Variants in MGAT4A observed in about 807,000 individuals in gnomAD.
The protein encoded by MGAT4A is alpha-1,3-mannosyl-glycoprotein 4-beta-N-acetylglucosaminyltransferase A.
MGAT4A carries 33 observed loss-of-function variants against 74.1 expected under a neutral mutation model. The ratio of observed to expected loss-of-function variants is 0.45; its 90% CI spans 0.34 to 0.60. The LOEUF is 0.60. Among genes scored for constraint, MGAT4A ranks in the 20% least tolerant of loss-of-function variants. The pLI, the probability that MGAT4A is intolerant of heterozygous loss-of-function variation, is 0.02. For synonymous variants in MGAT4A, 198 were observed against 210.4 expected (o/e 0.94, Z 0.51); for missense variants, 479 against 628.3 (o/e 0.76, Z 2.54).
At chr2:98,684,650 C>T (rs1702104609) in intron 2 of MGAT4A, among the ~76,000 whole-genome samples, 1 of 152,092 alleles carries the variant, frequency 6.6e-6, no homozygotes, top group African/African-American at 2.4e-5. Context: ...ATGGTAATTT[C>T]ATATGAAATT....
intron 6 of MGAT4A, among the ~76,000 whole-genome samples, chr2:98,657,770 T>C (rs1007910765): frequency 2.0e-5 from 3 of 152,188 alleles, no homozygotes; most frequent in African/African-American, 4.8e-5. Flanking sequence ...ACCTACCATG[T>C]GCCTCGCTCA....
chr2:98,704,913 G>A (rs1702401184), intron 2 of MGAT4A, among the ~76,000 whole-genome samples: 1 of 152,154 alleles, frequency 6.6e-6, no homozygotes, highest in Non-Finnish European at 1.5e-5. Context: ...CTCCTCCACA[G>A]CTGAGCAAAC....
intron 2 of MGAT4A, 165 bp downstream of exon 2, chr2:98,726,074 T>C (rs1473267068): frequency 4.1e-6 from 2 of 493,794 alleles, no homozygotes; most frequent in African/African-American, 3.8e-5. Context: ...AAATTCTGTG[T>C]CCTCTGTCCA....
chr2:98,729,050 T>G (rs1010358270), intron 1 of MGAT4A, among the ~76,000 whole-genome samples: 1 of 152,134 alleles, frequency 6.6e-6, no homozygotes, highest in Admixed American at 6.5e-5. Flanking sequence ...TAAGGATATT[T>G]TAAAAGTTTT....
At chr2:98,663,873 C>T (rs375865629) in intron 4 of MGAT4A, among the ~76,000 whole-genome samples, 4 of 152,060 alleles carry the variant, frequency 2.6e-5, no homozygotes, top group East Asian at 1.9e-4. Context: ...GGTTTTTGAT[C>T]GCTATACTAT....
Position 98,623,906 on chromosome 2 carries a change from C to CT in MGAT4A, c.*1659dup. The CT allele has an allele frequency of 1.0e-6, 1 of 985,502 alleles. No homozygotes were observed. The highest frequency in any genetic ancestry group is 1.2e-6 in the Non-Finnish European group (1 of 829,980). 61.0% of individuals were successfully genotyped at this position (985,502 alleles called of 1,614,324 possible). ...CGCTAGGCCCCAGCCAGTGGTCACT[C>CT]TGAAAGCTCAGCAGAATCCATCTCT... On this transcript the variant is annotated 3_prime_UTR_variant, in exon 16 of 16. Transcript: ENST00000393487.
rs1206503182 is a variant in MGAT4A at position 98,619,773 on chromosome 2, GCTAATTA to G, written c.*5786_*5792del. The G allele has an allele frequency of 6.6e-6, 1 of 152,196 alleles. No homozygotes were observed. Among genetic ancestry groups the G allele is most frequent in the African/African-American group, 2.4e-5 (1 of 41,448 alleles). 9.4% of individuals were successfully genotyped at this position (152,196 alleles called of 1,614,324 possible). A position where few individuals can be genotyped will look rare whatever the true frequency, so the allele number is the denominator to read the frequency against. On this transcript the variant is annotated 3_prime_UTR_variant, in exon 16 of 16. Coordinates refer to ENST00000393487, the MANE Select transcript of MGAT4A (RefSeq NM_012214.3). Reference sequence around the variant, plus strand: ...CAAACCCTTGGTTCCAGGACAGTTTGCTAATTACTAATACAATGAAACAACTAGGAGC... The same window carrying G: ...CAAACCCTTGGTTCCAGGACAGTTTGCTAATACAATGAAACAACTAGGAGC...
intron 5 of MGAT4A, among the ~76,000 whole-genome samples, chr2:98,662,590 G>T (rs1255912412): frequency 6.6e-6 from 1 of 151,880 alleles, no homozygotes; most frequent in Admixed American, 6.6e-5. Context: ...ACTTGCTCAA[G>T]ATTTATTCTT....
At chr2:98,709,567 C>A (rs1351038586) in intron 2 of MGAT4A, among the ~76,000 whole-genome samples, 2 of 152,034 alleles carry the variant, frequency 1.3e-5, no homozygotes, top group Non-Finnish European at 2.9e-5. Flanking sequence ...AAAGAACAAC[C>A]CAGTAGAAGG....
At position 98,624,309 on chromosome 2, in the gene MGAT4A, G is replaced by C; in HGVS notation, c.*1257C>G. 1 of 971,318 alleles carries C rather than the reference G, an allele frequency of 1.0e-6. No homozygotes were observed. Among genetic ancestry groups the C allele is most frequent in the Non-Finnish European group, 1.2e-6 (1 of 817,120 alleles). The allele number at this position is 971,318 out of a possible 1,614,324, so 60.2% of individuals were successfully genotyped here. ...TTACAGGCGTGAGCCACAGCGCCTG[G>C]TGATAATTCATCATTTTTTAAAAGT... On this transcript the variant is annotated 3_prime_UTR_variant, in exon 16 of 16. Transcript: ENST00000393487.
intron 3 of MGAT4A, among the ~76,000 whole-genome samples, chr2:98,676,851 T>C (rs576649636): frequency 6.6e-5 from 10 of 152,078 alleles, no homozygotes; most frequent in African/African-American, 2.4e-4. Context: ...AAACAAAAAA[T>C]GTTAGTAGAA....
At chr2:98,633,428 T>C (rs1701271291) in intron 14 of MGAT4A, among the ~76,000 whole-genome samples, 1 of 152,188 alleles carries the variant, frequency 6.6e-6, no homozygotes. Flanking sequence ...TAAATGTTGC[T>C]CCATTTGCTG....
intron 2 of MGAT4A, among the ~76,000 whole-genome samples, chr2:98,693,787 G>C (rs1702227097): frequency 6.6e-6 from 1 of 151,842 alleles, no homozygotes; most frequent in Non-Finnish European, 1.5e-5. Context: ...ACCACGGTAA[G>C]TTATATATGT....
chr2:98,717,940 A>G (rs1387611734), intron 2 of MGAT4A, among the ~76,000 whole-genome samples: 1 of 152,232 alleles, frequency 6.6e-6, no homozygotes, highest in Non-Finnish European at 1.5e-5. Flanking sequence ...TTTTCCTTAT[A>G]TCGTATTTGA....
At chr2:98,668,772 T>G (rs928052434) in intron 4 of MGAT4A, among the ~76,000 whole-genome samples, 4 of 152,224 alleles carry the variant, frequency 2.6e-5, no homozygotes, top group African/African-American at 9.6e-5. Flanking sequence ...GGGGCAGAGC[T>G]GCCCAAGACC....
chr2:98,635,885 G>A (rs2104226886), intron 13 of MGAT4A, among the ~76,000 whole-genome samples: 1 of 151,666 alleles, frequency 6.6e-6, no homozygotes, highest in East Asian at 2.0e-4. Context: ...CTACTCGGGA[G>A]GCTGAGGCAG....
intron 2 of MGAT4A, among the ~76,000 whole-genome samples, chr2:98,708,585 C>T (rs757233263): frequency 1.3e-5 from 2 of 152,190 alleles, no homozygotes; most frequent in Non-Finnish European, 2.9e-5. Flanking sequence ...CCAGTTAACA[C>T]GTGCCTCTTC....
chr2:98,648,588 G>A (rs1248482007), intron 8 of MGAT4A, among the ~76,000 whole-genome samples: 2 of 151,836 alleles, frequency 1.3e-5, no homozygotes, highest in African/African-American at 4.8e-5. Context: ...GCATGGTGGT[G>A]CATGTCTGTG....
At chr2:98,706,938 G>A (rs1432286577) in intron 2 of MGAT4A, among the ~76,000 whole-genome samples, 1 of 151,180 alleles carries the variant, frequency 6.6e-6, no homozygotes, top group Non-Finnish European at 1.5e-5. Flanking sequence ...AATCTGGGCT[G>A]GGCACGGTGG....
Sources: allele counts gnomAD v4.1 joint callset (sites outside exome capture counted in the v4.1 genomes callset), GRCh38; gene constraint gnomAD v4.1.1; transcripts MANE v1.5; gene names NCBI Gene and HGNC (gene_info 2026-07-23, HGNC 2026-07-21).